DNAH5: variants seen among roughly 807,000 people sequenced by gnomAD.
DNAH5 encodes dynein axonemal heavy chain 5.
DNAH5 carries 372 observed loss-of-function variants against 518.2 expected under a neutral mutation model. The ratio of observed to expected loss-of-function variants is 0.72; its 90% CI spans 0.66 to 0.78. DNAH5 has a LOEUF of 0.78. Ranked by LOEUF, DNAH5 falls within the 30% of genes least tolerant of loss-of-function variation. The probability of loss-of-function intolerance (pLI) is 0.00; values close to 1 mark genes in which losing one functional copy is unlikely to be tolerated. For synonymous variants in DNAH5, 2,039 were observed against 2,025.9 expected (o/e 1.01, Z -0.17); for missense variants, 5,523 against 5,687.0 (o/e 0.97, Z 0.93).
chr5:14,010,104 C>T (rs960311888), intron 1 of DNAH5, among the ~76,000 whole-genome samples: 1 of 151,996 alleles, frequency 6.6e-6, no homozygotes, highest in Non-Finnish European at 1.5e-5. Context: ...AAAATTGGAA[C>T]CTATTGCTTC....
chr5:13,959,096 GC>G (rs1459413839), intron 1 of DNAH5, among the ~76,000 whole-genome samples: 1 of 152,148 alleles, frequency 6.6e-6, no homozygotes, highest in Non-Finnish European at 1.5e-5. Flanking sequence ...ACAGGCATGT[GC>G]CACCACGCCC....
chr5:13,975,764 A>G (rs896987829), intron 1 of DNAH5, among the ~76,000 whole-genome samples: 5 of 152,230 alleles, frequency 3.3e-5, no homozygotes, highest in African/African-American at 9.6e-5. Context: ...GTATCATAAT[A>G]ACCTGTAGCT....
chr5:13,844,850 T>C lies in DNAH5; in HGVS notation c.5258A>G (p.Lys1753Arg). ...LNVFDNIKSV[K>R]FHEKIYDRIL... is the part of the protein sequence containing the mutation. ...AATTAGGCGAACCTTTTCGTGGAACTTGACAGATTTAATGTTGTCAAACAC... is the reference window on the plus strand; with the variant it reads ...AATTAGGCGAACCTTTTCGTGGAACCTGACAGATTTAATGTTGTCAAACAC... The change falls in exon 32 of 79, where the codon AAG (lysine) becomes AGG (arginine). Residue 1753 changes from lysine to arginine, a missense_variant. Physicochemically the swap from Lys to Arg is conservative, Grantham distance 26. Transcript: ENST00000265104. 3 of 1,614,216 alleles carry C rather than the reference T, an allele frequency of 1.9e-6. No homozygotes were observed. Among genetic ancestry groups the C allele is most frequent in the Admixed American group, 1.7e-5 (1 of 60,018 alleles).
intron 22 of DNAH5, among the ~76,000 whole-genome samples, chr5:13,875,813 T>A (rs1010472368): frequency 6.7e-6 from 1 of 148,180 alleles, no homozygotes; most frequent in Admixed American, 6.6e-5. Flanking sequence ...TAAAAGTCCA[T>A]AAATGCAAAA....
In DNAH5 at chr5:13,922,146, C is replaced by T; in HGVS notation, c.621G>A (p.Val207=). 6.2e-7 allele frequency: 1 copy of T among 1,614,106 alleles called. No homozygotes were observed. Among genetic ancestry groups the T allele is most frequent in the African/African-American group, 1.3e-5 (1 of 75,034 alleles). The change falls in exon 5 of 79, where the codon GTG becomes GTA. Residue 207 remains valine, a synonymous_variant. Coordinates refer to ENST00000265104, the MANE Select transcript of DNAH5 (RefSeq NM_001369.3). ...QEFLSSLEGF[V]NVLSGAQESL... is the part of the protein sequence containing the mutation. ...TCTCCTGTGCACCCGACAGGACGTT[C>T]ACAAAGCCTTCCAGGGAGCTCAAGA...
rs1762265044 is a variant in DNAH5, at chr5:13,821,711, T to C, written c.6688-1212A>G. On this transcript the variant is annotated intron_variant, in intron 40 of 78. Transcript: ENST00000265104. ...AATAATCATGTATCACTTTATGCTA[T>C]GATTTGCCCTTCAGATTTTTATATG... Among the ~76,000 whole-genome samples the C allele has an allele frequency of 3.3e-5, 5 of 152,240 alleles. No individual in the cohort carries two copies. The South Asian group carries it at 1.0e-3, about 31-fold the overall frequency.
Position 13,709,887 on chromosome 5 carries a change from T to A in DNAH5, c.13126-1552A>T, listed in dbSNP as rs144476956. Among the ~76,000 whole-genome samples the A allele has an allele frequency of 5.5e-3, 839 of 152,256 alleles. 9 individuals are homozygous for A. Among genetic ancestry groups the A allele is most frequent in the African/African-American group, 0.019 (804 of 41,540 alleles). ...GGTCCTTCCCTACCCACCCTGGTAGTGGAAGACAAACGGCATATAATCTTG... is the reference window on the plus strand; with the variant it reads ...GGTCCTTCCCTACCCACCCTGGTAGAGGAAGACAAACGGCATATAATCTTG... On this transcript the variant is annotated intron_variant, in intron 75 of 78. Transcript: ENST00000265104.
chr5:13,713,107 G>GTGTGTA lies in DNAH5; in HGVS notation c.13125+1297_13125+1298insTACACA, dbSNP rs70962100. Reference sequence around the variant, plus strand: ...TATAAAGAAACTGTGGTGTGTGTGTGTATATATATATATATATACACACAC... The same window carrying GTGTGTA: ...TATAAAGAAACTGTGGTGTGTGTGTGTGTGTATATATATATATATATATACACACAC... On this transcript the variant is annotated intron_variant, in intron 75 of 78. Coordinates refer to ENST00000265104, the MANE Select transcript of DNAH5 (RefSeq NM_001369.3). Among the ~76,000 whole-genome samples the GTGTGTA allele has an allele frequency of 7.6e-4, 106 of 139,926 alleles. 1 individual carries two copies. The South Asian group carries it at 8.4e-3, about 11-fold the overall frequency. The allele number at this position is 139,926 out of a possible 152,430, so 91.8% of individuals were successfully genotyped here.
intron 40 of DNAH5, among the ~76,000 whole-genome samples, chr5:13,822,263 G>A (rs941835818): frequency 2.9e-5 from 4 of 136,826 alleles, no homozygotes; most frequent in Non-Finnish European, 4.8e-5. Context: ...TTGTTTGTTT[G>A]TTTTTGAGAC....
chr5:13,767,127 T>A (rs1250989014), intron 58 of DNAH5, among the ~76,000 whole-genome samples: 3 of 152,154 alleles, frequency 2.0e-5, no homozygotes, highest in Non-Finnish European at 4.4e-5. Flanking sequence ...TAGTTTTGCT[T>A]TTGTTTTTTA....
chr5:13,927,849 A>G (rs897925613), intron 3 of DNAH5, among the ~76,000 whole-genome samples: 1 of 152,204 alleles, frequency 6.6e-6, no homozygotes, highest in Non-Finnish European at 1.5e-5. Flanking sequence ...GACAACTCCA[A>G]TAAAGTTAGA....
chr5:13,997,255 T>A (rs1664778073), intron 1 of DNAH5, among the ~76,000 whole-genome samples: 2 of 152,370 alleles, frequency 1.3e-5, no homozygotes, highest in Admixed American at 1.3e-4. Context: ...TCTTTTCATA[T>A]TTTATTATAA....
At chr5:13,923,747 T>C (rs1675240526) in intron 3 of DNAH5, among the ~76,000 whole-genome samples, 1 of 152,108 alleles carries the variant, frequency 6.6e-6, no homozygotes, top group South Asian at 2.1e-4. Flanking sequence ...TGTACATTAT[T>C]AAAACTCACA....
In DNAH5 at chr5:13,786,016, G is replaced by A. The variant is rs141970934; in HGVS notation, c.8820+163C>T. Among the ~76,000 whole-genome samples, 447 of 152,198 alleles carry A rather than the reference G, an allele frequency of 2.9e-3. 5 individuals carry two copies. The highest frequency in any genetic ancestry group is 0.01 in the African/African-American group (422 of 41,522). ...CTCTTATTTCAAGTCTATAAGGTGC[G>A]ACATGTTGCATTCAGCTTAGAAATT... On this transcript the variant is annotated intron_variant, in intron 52 of 78. Coordinates refer to ENST00000265104, the MANE Select transcript of DNAH5 (RefSeq NM_001369.3).
intron 1 of DNAH5, among the ~76,000 whole-genome samples, chr5:13,988,113 A>G (rs1783191465): frequency 6.6e-6 from 1 of 152,306 alleles, no homozygotes; most frequent in East Asian, 1.9e-4. Context: ...AGGATTTGCT[A>G]TTTTGACAAA....
intron 60 of DNAH5, among the ~76,000 whole-genome samples, chr5:13,761,690 A>T (rs1408950755): frequency 6.6e-6 from 1 of 152,148 alleles, no homozygotes; most frequent in Non-Finnish European, 1.5e-5. Flanking sequence ...AATTCAGTCA[A>T]TATCAGATTG....
At chr5:13,819,091 A>G (rs1239181880) in intron 41 of DNAH5, among the ~76,000 whole-genome samples, 1 of 152,210 alleles carries the variant, frequency 6.6e-6, no homozygotes, top group Non-Finnish European at 1.5e-5. Flanking sequence ...TTTAGTACTC[A>G]TTTTGTTCGA....
intron 75 of DNAH5, among the ~76,000 whole-genome samples, chr5:13,712,089 C>A (rs773130806): frequency 6.6e-6 from 1 of 151,660 alleles, no homozygotes; most frequent in Non-Finnish European, 1.5e-5. Context: ...AATCAGGAGG[C>A]ATCATACAAC....
Position 13,855,204 on chromosome 5 carries a change from A to ATTT in DNAH5, c.4950+4245_4950+4247dup, listed in dbSNP as rs760689764. ...CATAGATTTTCATCATAAATCTTAC[A>ATTT]TTTTTTTTTTTTTTTTTTTTTTGAG... On this transcript the variant is annotated intron_variant, in intron 30 of 78. Transcript: ENST00000265104. Among the ~76,000 whole-genome samples, 272 of 54,008 alleles carry ATTT rather than the reference A, an allele frequency of 5.0e-3. 13 individuals are homozygous for ATTT. Among genetic ancestry groups the ATTT allele is most frequent in the South Asian group, 0.01 (12 of 1,160 alleles). The allele number at this position is 54,008 out of a possible 152,430, so 35.4% of individuals were successfully genotyped here. A position where few individuals can be genotyped will look rare whatever the true frequency, so the allele number is the denominator to read the frequency against.
Sources: allele counts gnomAD v4.1 joint callset (sites outside exome capture counted in the v4.1 genomes callset), GRCh38; gene constraint gnomAD v4.1.1; transcripts MANE v1.5; gene names NCBI Gene and HGNC (gene_info 2026-07-23, HGNC 2026-07-21).